Variants in ENDOU observed in about 807,000 individuals in gnomAD.
The protein encoded by ENDOU is endonuclease, poly(U) specific, also known as uridylate-specific endoribonuclease.
Under a neutral mutation model 54.2 loss-of-function variants are expected in ENDOU, and 49 were observed. That is an observed-to-expected ratio of 0.90 (90% CI 0.72 to 1.15). The LOEUF is 1.15. ENDOU is among the 50% of genes most tolerant of loss of function. The probability of loss-of-function intolerance (pLI) is 0.00; values close to 1 mark genes in which losing one functional copy is unlikely to be tolerated. For synonymous variants in ENDOU, 172 were observed against 190.5 expected, an observed-to-expected ratio of 0.90 and a Z score of 0.80; for missense variants, 458 against 511.4, an observed-to-expected ratio of 0.90 and a Z score of 1.01.
chr12:47,722,699 C>T (rs1940471936), intron 1 of ENDOU, among the ~76,000 whole-genome samples: 1 of 152,198 alleles, frequency 6.6e-6, no homozygotes, highest in African/African-American at 2.4e-5. Flanking sequence ...GCTGGGTTGT[C>T]AGCACATCTG....
intron 1 of ENDOU, among the ~76,000 whole-genome samples, chr12:47,721,347 A>G (rs1390341320): frequency 6.6e-6 from 1 of 151,990 alleles, no homozygotes; most frequent in Non-Finnish European, 1.5e-5. Context: ...CCAACCTTGT[A>G]ACACTTTAAG....
chr12:47,724,459 A>G (rs1486625252), intron 1 of ENDOU, among the ~76,000 whole-genome samples: 1 of 152,234 alleles, frequency 6.6e-6, no homozygotes, highest in African/African-American at 2.4e-5. Context: ...ATTTATAGTC[A>G]TAATCATAGC....
Position 47,711,677 on chromosome 12 carries a change from C to T in ENDOU, c.1071G>A (p.Glu357=). The T allele has an allele frequency of 6.2e-7, 1 of 1,614,128 alleles. No homozygotes were observed. Among genetic ancestry groups the T allele is most frequent in the Non-Finnish European group, 8.5e-7 (1 of 1,180,006 alleles). ...TGAAGCACAGGGAGTAGAGTGCAAA[C>T]TCAAACTCAGGGCTGCTGCCGATGA... ...SAFIGSSPEF[E]FALYSLCFIA... Residue 357 remains glutamate, a synonymous_variant, in exon 9 of 10, where the codon GAG becomes GAA. Coordinates refer to ENST00000422538, the MANE Select transcript of ENDOU (RefSeq NM_001172439.2).
Position 47,710,758 on chromosome 12 carries a change from A to T in ENDOU, c.*44T>A. The stretch of plus-strand genomic sequence containing the variant: ...TCTAGTCCAGAGAAGATAGCACTTC[A>T]GTCTCGCAAGAGCCCTCATGCCCCT... On this transcript the variant is annotated 3_prime_UTR_variant, in exon 10 of 10. Coordinates refer to ENST00000422538, the MANE Select transcript of ENDOU (RefSeq NM_001172439.2). The T allele has an allele frequency of 7.8e-7, 1 of 1,282,700 alleles. No homozygotes were observed. Among genetic ancestry groups the T allele is most frequent in the Non-Finnish European group, 1.1e-6 (1 of 877,374 alleles). 79.5% of individuals were successfully genotyped at this position (1,282,700 alleles called of 1,614,324 possible).
chr12:47,710,977 G>A, intron 9 of ENDOU, 58 bp from the exon 10 acceptor site: 2 of 1,204,964 alleles, frequency 1.7e-6, no homozygotes, highest in Non-Finnish European at 2.4e-6. Context: ...CCTCTCCCTG[G>A]GCTGGAAGGA....
At chr12:47,722,900 G>T (rs1490008004) in intron 1 of ENDOU, among the ~76,000 whole-genome samples, 2 of 152,338 alleles carry the variant, frequency 1.3e-5, no homozygotes, top group East Asian at 3.9e-4. Flanking sequence ...AAGCCGGCAG[G>T]AACTCCTCTT....
intron 2 of ENDOU, chr12:47,719,881 C>T (rs1026946586): frequency 2.6e-5 from 4 of 152,180 alleles, no homozygotes; most frequent in African/African-American, 9.7e-5. Flanking sequence ...ATTCAGAAAA[C>T]ACACTTGTTT....
intron 3 of ENDOU, 64 bp from the exon 4 acceptor site, chr12:47,717,719 G>C: frequency 6.4e-7 from 1 of 1,555,682 alleles, no homozygotes; most frequent in Admixed American, 1.8e-5. Flanking sequence ...CGCCCCACAG[G>C]CTGTCGCTCC....
chr12:47,720,713 A>C lies in ENDOU; in HGVS notation c.178+40T>G, dbSNP rs748593077. 2.1e-4 allele frequency: 323 copies of C among 1,532,812 alleles called. 1 individual carries two copies. Among genetic ancestry groups the C allele is most frequent in the Non-Finnish European group, 1.3e-4 (149 of 1,145,118 alleles). The allele number at this position is 1,532,812 out of a possible 1,614,324, so 95.0% of individuals were successfully genotyped here. On this transcript the variant is annotated intron_variant, in intron 2 of 9. Coordinates refer to ENST00000422538, the MANE Select transcript of ENDOU (RefSeq NM_001172439.2). ...TGGACACCCAGGCCAGTGGCCCCTTAGACAGGCTGGACATGCCTTCGTCTC... is the reference window on the plus strand; with the variant it reads ...TGGACACCCAGGCCAGTGGCCCCTTCGACAGGCTGGACATGCCTTCGTCTC...
intron 6 of ENDOU, among the ~76,000 whole-genome samples, chr12:47,714,654 A>T (rs1940160234): frequency 6.6e-6 from 1 of 152,256 alleles, no homozygotes; most frequent in Non-Finnish European, 1.5e-5. Flanking sequence ...CGGATGGGTT[A>T]TGCCCGCCAT....
chr12:47,710,684 C>G lies in ENDOU; in HGVS notation c.*118G>C. 2.8e-6 allele frequency: 2 copies of G among 725,008 alleles called. No homozygotes were observed. Among genetic ancestry groups the G allele is most frequent in the South Asian group, 3.2e-5 (2 of 62,482 alleles). The allele number at this position is 725,008 out of a possible 1,614,324, so 44.9% of individuals were successfully genotyped here. ...GGCACTTTGGGATTTAGGAATGCTT[C>G]TCATTGCTTTGAGATTTGGTGATCC... On this transcript the variant is annotated 3_prime_UTR_variant, in exon 10 of 10. Transcript: ENST00000422538.
intron 6 of ENDOU, among the ~76,000 whole-genome samples, chr12:47,716,048 G>A (rs1940216597): frequency 6.6e-6 from 1 of 152,166 alleles, no homozygotes; most frequent in African/African-American, 2.4e-5. Context: ...GCGTGCATGA[G>A]GCAGTTAACA....
Position 47,710,670 on chromosome 12 carries a change from AT to A in ENDOU, c.*131del. ...CTCTTTCCCATGTGGGCACTTTGGGATTTAGGAATGCTTCTCATTGCTTTGA... is the reference window on the plus strand; with the variant it reads ...CTCTTTCCCATGTGGGCACTTTGGGATTAGGAATGCTTCTCATTGCTTTGA... On this transcript the variant is annotated 3_prime_UTR_variant, in exon 10 of 10. Coordinates refer to ENST00000422538, the MANE Select transcript of ENDOU (RefSeq NM_001172439.2). The A allele has an allele frequency of 1.5e-6, 1 of 688,190 alleles. No homozygotes were observed. 42.6% of individuals were successfully genotyped at this position (688,190 alleles called of 1,614,324 possible).
chr12:47,725,366 G>T lies in ENDOU; in HGVS notation c.48C>A (p.Ala16=), dbSNP rs751746779. The T allele has an allele frequency of 1.2e-6, 2 of 1,614,086 alleles. No individual in the cohort carries two copies. The highest frequency in any genetic ancestry group is 8.5e-7 in the Non-Finnish European group (1 of 1,179,990). ...SLVLAVLCGL[A]WAGKIESCAS... Reference sequence around the variant, plus strand: ...CGCCAGATAGTGACTTACCAGCCCAGGCCAGGCCACACAGCACGGCCAATA... The same window carrying T: ...CGCCAGATAGTGACTTACCAGCCCATGCCAGGCCACACAGCACGGCCAATA... The change falls in exon 1 of 10, where the codon GCC becomes GCA. Residue 16 remains alanine (A), a synonymous_variant. Transcript: ENST00000422538.
chr12:47,713,508 C>G, intron 6 of ENDOU, 120 bp from the exon 7 acceptor site: 1 of 686,254 alleles, frequency 1.5e-6, no homozygotes. Flanking sequence ...GTTCAATCAA[C>G]AAATGTGTTC....
chr12:47,711,789 G>C lies in ENDOU; in HGVS notation c.973-14C>G. 1 of 1,613,918 alleles carries C rather than the reference G, an allele frequency of 6.2e-7. No individual in the cohort carries two copies. Among genetic ancestry groups the C allele is most frequent in the Non-Finnish European group, 8.5e-7 (1 of 1,179,940 alleles). ...GTAAGAATCCCACTGTGGAGGGAAG[G>C]GCAGAAAAGGGGGTCTGGTGAGTGC... On this transcript the variant is annotated splice_polypyrimidine_tract_variant and intron_variant, in intron 8 of 9. Coordinates refer to ENST00000422538, the MANE Select transcript of ENDOU (RefSeq NM_001172439.2).
In ENDOU at chr12:47,718,123, G is replaced by C. The variant is rs767018096; in HGVS notation, c.244+6C>G. ...TGAGGGCCCCCCTTTGGGGAGGCAG[G>C]CTCACTGCTGGCGAGGGCCTCTTCT... On this transcript the variant is annotated splice_donor_region_variant and intron_variant, in intron 3 of 9. Transcript: ENST00000422538. 6.4e-7 allele frequency: 1 copy of C among 1,564,942 alleles called. No individual in the cohort carries two copies. Among genetic ancestry groups the C allele is most frequent in the Non-Finnish European group, 8.7e-7 (1 of 1,153,094 alleles).
In ENDOU at chr12:47,717,092, C is replaced by T. The variant is rs199540769; in HGVS notation, c.383-34G>A. The stretch of plus-strand genomic sequence containing the variant: ...AATTGGAAGAGGGGTGGCCTCAGAG[C>T]CAGAGGGAAAGGGGGGCGGGCAGGA... On this transcript the variant is annotated intron_variant, in intron 4 of 9. Coordinates refer to ENST00000422538, the MANE Select transcript of ENDOU (RefSeq NM_001172439.2). 307 of 1,604,234 alleles carry T rather than the reference C, an allele frequency of 1.9e-4. 1 individual carries two copies. The African/African-American group carries it at 3.4e-3, about 18-fold the overall frequency.
chr12:47,723,406 C>G (rs1424931355), intron 1 of ENDOU, among the ~76,000 whole-genome samples: 1 of 152,116 alleles, frequency 6.6e-6, no homozygotes, highest in Non-Finnish European at 1.5e-5. Context: ...CCAGCATCCC[C>G]ACACTGCACC....
Sources: allele counts gnomAD v4.1 joint callset (sites outside exome capture counted in the v4.1 genomes callset), GRCh38; gene constraint gnomAD v4.1.1; transcripts MANE v1.5; gene names NCBI Gene and HGNC (gene_info 2026-07-23, HGNC 2026-07-21).